SERPINI1: variants seen among roughly 807,000 people sequenced by gnomAD.
The protein encoded by SERPINI1 is serpin family I member 1.
Under a neutral mutation model 41.1 loss-of-function variants are expected in SERPINI1, and 19 were observed. That is an observed-to-expected ratio of 0.46 (90% CI 0.32 to 0.68). The LOEUF (loss-of-function observed/expected upper bound fraction) is 0.68. Ranked by LOEUF, SERPINI1 falls within the 30% of genes least tolerant of loss-of-function variation. The probability of loss-of-function intolerance (pLI) is 0.03; values close to 1 mark genes in which losing one functional copy is unlikely to be tolerated. For missense variants in SERPINI1, 460 were observed against 479.2 expected (o/e 0.96, Z 0.37); for synonymous variants, 138 against 156.6 (o/e 0.88, Z 0.89).
Position 167,790,525 on chromosome 3 carries a change from C to G in SERPINI1, c.404C>G (p.Ala135Gly). The G allele has an allele frequency of 6.2e-7, 1 of 1,613,934 alleles. No homozygotes were observed. Among genetic ancestry groups the G allele is most frequent in the African/African-American group, 1.3e-5 (1 of 75,032 alleles). The stretch of plus-strand genomic sequence containing the variant: ...ATGATGAAAAAATATTTTAATGCAG[C>G]AGTAAATCATGTGGACTTCAGTCAA... ...LQMMKKYFNA[A>G]VNHVDFSQNV... Residue 135 changes from alanine to glycine, a missense_variant, in exon 3 of 9, where the codon GCA becomes GGA. Transcript: ENST00000446050.
At chr3:167,774,533 A>G (rs1176933139) in intron 1 of SERPINI1, among the ~76,000 whole-genome samples, 1 of 152,114 alleles carries the variant, frequency 6.6e-6, no homozygotes, top group Admixed American at 6.6e-5. Context: ...TGGGCCATGG[A>G]CCAGTACTGG....
intron 5 of SERPINI1, among the ~76,000 whole-genome samples, chr3:167,806,837 G>T (rs865998110): frequency 6.8e-6 from 1 of 147,864 alleles, no homozygotes; most frequent in Non-Finnish European, 1.5e-5. Context: ...GTAAATGTAT[G>T]ATTAGTCATC....
At chr3:167,770,771 AATTT>A (rs1726722781) in intron 1 of SERPINI1, among the ~76,000 whole-genome samples, 1 of 152,188 alleles carries the variant, frequency 6.6e-6, no homozygotes. Flanking sequence ...CAGGCATAGT[AATTT>A]GTTGACGTGC....
chr3:167,767,704 T>C (rs1388229156), intron 1 of SERPINI1, among the ~76,000 whole-genome samples: 5 of 152,138 alleles, frequency 3.3e-5, no homozygotes, highest in African/African-American at 1.2e-4. Context: ...TTAAAGAGAG[T>C]TTGGAAGAAA....
At position 167,823,050 on chromosome 3, in the gene SERPINI1, C is replaced by T. The variant is rs761220874; in HGVS notation, c.1044C>T (p.Gly348=). The T allele has an allele frequency of 2.5e-6, 4 of 1,607,680 alleles. No individual in the cohort carries two copies. The highest frequency in any genetic ancestry group is 3.4e-6 in the Non-Finnish European group (4 of 1,174,238). Residue 348 remains glycine, a synonymous_variant, in exon 7 of 9, where the codon GGC becomes GGT. Transcript: ENST00000446050. ...CCTTCCTAGAGGTTAATGAAGAAGGCTCAGAAGCTGCTGCTGTCTCAGGTA... is the reference window on the plus strand; with the variant it reads ...CCTTCCTAGAGGTTAATGAAGAAGGTTCAGAAGCTGCTGCTGTCTCAGGTA... ...HKSFLEVNEE[G]SEAAAVSGMI... is the part of the protein sequence containing the mutation.
chr3:167,808,641 T>C (rs13093535), intron 6 of SERPINI1, among the ~76,000 whole-genome samples: 53,644 of 152,066 alleles, frequency 0.35, 10,717 homozygotes, highest in African/African-American at 0.54. Context: ...AATTTAGTTT[T>C]CTTAGCCTGA....
At chr3:167,824,691 C>T (rs1347999290) in intron 8 of SERPINI1, 129 bp downstream of exon 8, 2 of 620,742 alleles carry the variant, frequency 3.2e-6, no homozygotes, top group Non-Finnish European at 5.6e-6. Context: ...ATTCTCTTTC[C>T]AGAGATTGAC....
intron 7 of SERPINI1, among the ~76,000 whole-genome samples, chr3:167,823,859 C>T (rs1712425619): frequency 6.6e-6 from 1 of 152,124 alleles, no homozygotes. Flanking sequence ...TTTCTTTTGA[C>T]AATTAACTAT....
chr3:167,801,008 G>A (rs1426937363), intron 5 of SERPINI1, among the ~76,000 whole-genome samples: 1 of 152,128 alleles, frequency 6.6e-6, no homozygotes, highest in Non-Finnish European at 1.5e-5. Context: ...AGTAGAGATG[G>A]GTTTTTGCCA....
At chr3:167,799,217 G>A (rs145827150) in intron 5 of SERPINI1, among the ~76,000 whole-genome samples, 19 of 152,004 alleles carry the variant, frequency 1.2e-4, no homozygotes, top group African/African-American at 3.4e-4. Flanking sequence ...AACAGGCCCC[G>A]GTGTGTGATG....
chr3:167,777,365 T>G (rs1262837284), intron 1 of SERPINI1, among the ~76,000 whole-genome samples: 1 of 152,252 alleles, frequency 6.6e-6, no homozygotes, highest in Non-Finnish European at 1.5e-5. Context: ...TTTTAGCTTT[T>G]AATTTTAAAA....
chr3:167,822,826 A>G lies in SERPINI1; in HGVS notation c.980-160A>G, dbSNP rs1577438017. The G allele has an allele frequency of 1.2e-5, 7 of 570,610 alleles. No homozygotes were observed. The East Asian group carries it at 2.0e-4, about 16-fold the overall frequency. 35.3% of individuals were successfully genotyped at this position (570,610 alleles called of 1,614,324 possible). A position where few individuals can be genotyped will look rare whatever the true frequency, so the allele number is the denominator to read the frequency against. ...AAAATGAGGGCAAATTAAAAACCAC[A>G]TCTTCAATGGTTATCTCATTAATGA... is the stretch of plus-strand genomic sequence containing the variant. On this transcript the variant is annotated intron_variant, in intron 6 of 8. Transcript: ENST00000446050.
chr3:167,795,497 A>C (rs1225107019), intron 5 of SERPINI1, among the ~76,000 whole-genome samples: 1 of 152,096 alleles, frequency 6.6e-6, no homozygotes, highest in Non-Finnish European at 1.5e-5. Context: ...CATGTCTCTG[A>C]ATCTCCACTT....
At chr3:167,819,112 T>C (rs1214026165) in intron 6 of SERPINI1, among the ~76,000 whole-genome samples, 1 of 152,192 alleles carries the variant, frequency 6.6e-6, no homozygotes, top group African/African-American at 2.4e-5. Flanking sequence ...TAATATATTT[T>C]ACTGTCTTAA....
At chr3:167,772,198 TC>T (rs575338414) in intron 1 of SERPINI1, among the ~76,000 whole-genome samples, 51 of 152,308 alleles carry the variant, frequency 3.3e-4, no homozygotes, top group African/African-American at 1.1e-3. Flanking sequence ...TTATTCCATC[TC>T]CACAGATCTA....
At chr3:167,815,935 G>T (rs1011992772) in intron 6 of SERPINI1, among the ~76,000 whole-genome samples, 1 of 152,168 alleles carries the variant, frequency 6.6e-6, no homozygotes. Flanking sequence ...AAGTCTTTTA[G>T]CACGTATGTG....
At chr3:167,798,594 T>C (rs1244143323) in intron 5 of SERPINI1, among the ~76,000 whole-genome samples, 1 of 152,210 alleles carries the variant, frequency 6.6e-6, no homozygotes, top group Non-Finnish European at 1.5e-5. Context: ...TTTTAATGGT[T>C]TGCATAGTTT....
At position 167,789,223 on chromosome 3, in the gene SERPINI1, A is replaced by G. The variant is rs1172732406; in HGVS notation, c.95A>G (p.Asn32Ser). Residue 32 changes from asparagine to serine, a missense_variant, in exon 2 of 9, where the codon AAT becomes AGT. By Grantham distance (46) the Asn-to-Ser change is conservative. Coordinates refer to ENST00000446050, the MANE Select transcript of SERPINI1 (RefSeq NM_001122752.2). ...GAAGCCATTGCTGACTTGTCAGTGA[A>G]TATGTATAATCGTCTTAGAGCCACT... ...PEEAIADLSVNMYNRLRATGE... is the reference protein window; with the variant it reads ...PEEAIADLSVSMYNRLRATGE... 5.0e-6 allele frequency: 8 copies of G among 1,614,180 alleles called. No homozygotes were observed. Among genetic ancestry groups the G allele is most frequent in the Admixed American group, 1.7e-5 (1 of 60,026 alleles).
In SERPINI1 at chr3:167,775,225, T is replaced by TTTATTATTA. The variant is rs558261774; in HGVS notation, c.-18-13841_-18-13833dup. Among the ~76,000 whole-genome samples, 600 of 134,332 alleles carry TTTATTATTA rather than the reference T, an allele frequency of 4.5e-3. 1 individual carries two copies. The highest frequency in any genetic ancestry group is 8.4e-3 in the East Asian group (38 of 4,506). The allele number at this position is 134,332 out of a possible 152,430, so 88.1% of individuals were successfully genotyped here. A position where few individuals can be genotyped will look rare whatever the true frequency, so the allele number is the denominator to read the frequency against. ...CCTTCAGGGTACAACGAAGTGTCAC[T>TTTATTATTA]TTATTATTATTATTATTATTATTAT... On this transcript the variant is annotated intron_variant, in intron 1 of 8. Transcript: ENST00000446050.
Sources: gnomAD v4.1 joint callset for allele counts (sites outside exome capture counted in the v4.1 genomes callset) on GRCh38, gnomAD v4.1.1 for gene constraint, MANE v1.5 for transcripts, NCBI Gene and HGNC (gene_info 2026-07-23, HGNC 2026-07-21) for gene names.